The following LARS1 variants were observed in gnomAD, a reference collection of about 807,000 sequenced individuals.
LARS1 encodes leucine--tRNA ligase, cytoplasmic.
Under a neutral mutation model 162.8 loss-of-function variants are expected in LARS1, and 100 were observed. The ratio of observed to expected loss-of-function variants is 0.61; its 90% CI spans 0.52 to 0.73. The LOEUF (loss-of-function observed/expected upper bound fraction) is 0.73. Among genes scored for constraint, LARS1 ranks in the 30% least tolerant of loss-of-function variants. The probability of loss-of-function intolerance (pLI) is 0.00; values close to 1 mark genes in which losing one functional copy is unlikely to be tolerated. For synonymous variants in LARS1, 457 were observed against 462.8 expected (o/e 0.99, Z 0.16); for missense variants, 1,258 against 1,408.9 (o/e 0.89, Z 1.71).
intron 1 of LARS1, chr5:146,182,281 T>C (rs1323843367): frequency 1.5e-6 from 1 of 652,766 alleles, no homozygotes; most frequent in East Asian, 2.7e-5. Flanking sequence ...ATAACAAATA[T>C]GATATCCAAG....
In LARS1 at chr5:146,140,040, C is replaced by T. The variant is rs67598659; in HGVS notation, c.2148+164G>A. 0.22 allele frequency among the ~76,000 whole-genome samples: 33,843 copies of T among 151,962 alleles called. 4,830 individuals carry two copies. Among genetic ancestry groups the T allele is most frequent in the Admixed American group, 0.34 (5,118 of 15,264 alleles). On this transcript the variant is annotated intron_variant, in intron 21 of 31. Transcript: ENST00000394434. ...CAGGCTGGTCTTGAACTCCTGGCCT[C>T]AAGTGATCCTCCCACCTTGGCCTCC...
intron 28 of LARS1, 142 bp downstream of exon 28, chr5:146,126,292 TC>T: frequency 1.8e-6 from 1 of 540,838 alleles, no homozygotes; most frequent in Non-Finnish European, 3.3e-6. Flanking sequence ...ATCTGATAGA[TC>T]ATTTCTCTCA....
At chr5:146,133,174 C>T (rs1444498256) in intron 22 of LARS1, 93 bp from the exon 23 acceptor site, 2 of 1,037,140 alleles carry the variant, frequency 1.9e-6, no homozygotes, top group African/African-American at 3.2e-5. Context: ...TTGCAAAGCC[C>T]ATATATAAAT....
Position 146,140,202 on chromosome 5 carries a change from A to T in LARS1, c.2148+2T>A, listed in dbSNP as rs1752710262. On this transcript the variant is annotated splice_donor_variant, in intron 21 of 31. Transcript: ENST00000394434. LOFTEE classifies it high-confidence loss of function. ...AAACTTTTAAGATGCAATAAGCCTT[A>T]CCTTCTCAGAGTTCAGGAGGAGATG... 1.9e-6 allele frequency: 3 copies of T among 1,609,810 alleles called. No homozygotes were observed. Among genetic ancestry groups the T allele is most frequent in the Non-Finnish European group, 2.6e-6 (3 of 1,176,058 alleles).
At chr5:146,163,014 G>A (rs890336038) in intron 6 of LARS1, among the ~76,000 whole-genome samples, 1 of 152,166 alleles carries the variant, frequency 6.6e-6, no homozygotes, top group African/African-American at 2.4e-5. Context: ...TTCCCCAGGT[G>A]GCCAGGCTGG....
At chr5:146,160,513 A>T in intron 6 of LARS1, 27 bp from the exon 7 acceptor site, 2 of 1,248,884 alleles carry the variant, frequency 1.6e-6, no homozygotes, top group Non-Finnish European at 2.2e-6. Flanking sequence ...TTAAAAGGCA[A>T]TTACTGAGAA....
intron 6 of LARS1, among the ~76,000 whole-genome samples, chr5:146,162,823 G>C (rs1753831953): frequency 6.6e-6 from 1 of 152,180 alleles, no homozygotes; most frequent in Non-Finnish European, 1.5e-5. Flanking sequence ...AGCATTTGCT[G>C]CTTCACCTTG....
intron 14 of LARS1, among the ~76,000 whole-genome samples, chr5:146,150,290 C>T (rs998820693): frequency 1.6e-4 from 24 of 152,232 alleles, no homozygotes; most frequent in African/African-American, 5.5e-4. Flanking sequence ...TTTTCACCTA[C>T]ATGACTCTTA....
intron 4 of LARS1, among the ~76,000 whole-genome samples, chr5:146,171,547 C>T (rs1172079376): frequency 6.6e-6 from 1 of 152,040 alleles, no homozygotes; most frequent in Admixed American, 6.6e-5. Context: ...GATCAAAATA[C>T]AATACAACTG....
chr5:146,130,993 A>C (rs1284106296), intron 24 of LARS1, 26 bp downstream of exon 24: 1 of 1,314,380 alleles, frequency 7.6e-7, no homozygotes, highest in East Asian at 2.4e-5. Flanking sequence ...CATGTTTTAT[A>C]GCTACCAAAA....
chr5:146,119,108 C>T (rs1751697312), intron 31 of LARS1, among the ~76,000 whole-genome samples: 1 of 152,156 alleles, frequency 6.6e-6, no homozygotes, highest in African/African-American at 2.4e-5. Flanking sequence ...TTCCTCTGTG[C>T]TATACATTTT....
chr5:146,134,299 G>T (rs1252740210), intron 22 of LARS1, among the ~76,000 whole-genome samples: 2 of 152,118 alleles, frequency 1.3e-5, no homozygotes, highest in Non-Finnish European at 2.9e-5. Context: ...GTGAGGCAGA[G>T]GTTCTCATTA....
In LARS1 at chr5:146,157,933, C is replaced by T. The variant is rs907925367; in HGVS notation, c.772-138G>A. 1.0e-5 allele frequency: 8 copies of T among 769,802 alleles called. No individual in the cohort carries two copies. The African/African-American group carries it at 1.2e-4, about 12-fold the overall frequency. The allele number at this position is 769,802 out of a possible 1,614,324, so 47.7% of individuals were successfully genotyped here. On this transcript the variant is annotated intron_variant, in intron 8 of 31. Transcript: ENST00000394434. ...ATTTTTTTTTGCAGAGAAGAGATTG[C>T]CAGTGGTGTGCTAACTATACCCACA...
intron 2 of LARS1, 60 bp downstream of exon 2, chr5:146,177,484 ATAT>A (rs376660570): frequency 2.1e-4 from 25 of 116,306 alleles, no homozygotes; most frequent in African/African-American, 9.5e-4. Context: ...AAAAAAAAAA[ATAT>A]ATATATATAT....
Position 146,130,101 on chromosome 5 carries a change from A to G in LARS1, c.2545T>C (p.Phe849Leu). Residue 849 changes from phenylalanine to leucine, a missense_variant, in exon 25 of 32, where the codon TTC becomes CTC. Physicochemically the swap from Phe to Leu is conservative, Grantham distance 22. Transcript: ENST00000394434. ...AVEGMHRELV[F>L]RFIEVQTLLL... ...AGTGTCTGAACTTCAATAAACCGGA[A>G]CACAAGTTCTCTGTGCATCCCTTCC... 1 of 1,613,972 alleles carries G rather than the reference A, an allele frequency of 6.2e-7. No homozygotes were observed. The highest frequency in any genetic ancestry group is 1.6e-4 in the Middle Eastern group (1 of 6,062).
intron 6 of LARS1, among the ~76,000 whole-genome samples, chr5:146,163,544 G>A (rs920682017): frequency 2.6e-5 from 4 of 152,058 alleles, no homozygotes; most frequent in Admixed American, 2.6e-4. Flanking sequence ...AAATTAGCCA[G>A]GCGTGTTGGC....
intron 1 of LARS1, 23 bp from the exon 2 acceptor site, chr5:146,177,688 T>C (rs375292948): frequency 3.7e-5 from 48 of 1,283,432 alleles, no homozygotes; most frequent in Admixed American, 3.6e-4. Flanking sequence ...AAGAGAATAA[T>C]CCACTCTGTA....
In LARS1 at chr5:146,166,976, C is replaced by T. The variant is rs150042328; in HGVS notation, c.432+1152G>A. 6.6e-5 allele frequency among the ~76,000 whole-genome samples: 10 copies of T among 152,256 alleles called. No homozygotes were observed. The East Asian group carries it at 1.3e-3, about 21-fold the overall frequency. On this transcript the variant is annotated intron_variant, in intron 5 of 31. Transcript: ENST00000394434. ...TCATATACTCCCTAACGCTTGAGAA[C>T]GACAAATTACCTAATAGTCTTCCTC... is the stretch of plus-strand genomic sequence containing the variant.
At chr5:146,144,772 A>G (rs1223514210) in intron 15 of LARS1, 63 bp from the exon 16 acceptor site, 4 of 1,435,818 alleles carry the variant, frequency 2.8e-6, no homozygotes, top group Non-Finnish European at 3.9e-6. Flanking sequence ...TTCCTCAAGG[A>G]TAAAAATTAC....
Sources: allele counts gnomAD v4.1 joint callset (sites outside exome capture counted in the v4.1 genomes callset), GRCh38; gene constraint gnomAD v4.1.1; transcripts MANE v1.5; gene names NCBI Gene and HGNC (gene_info 2026-07-23, HGNC 2026-07-21).